Variants in IGSF21 observed in about 807,000 individuals in gnomAD.
The protein encoded by IGSF21 is immunoglobulin superfamily member 21.
In IGSF21, 28 loss-of-function variants were observed where a neutral mutation model predicts 46.8. That is an observed-to-expected ratio of 0.60 (90% CI 0.44 to 0.82). The LOEUF (loss-of-function observed/expected upper bound fraction) is 0.82. IGSF21 is among the 40% of genes least tolerant of loss of function. The probability of loss-of-function intolerance (pLI) is 0.00; values close to 1 mark genes in which losing one functional copy is unlikely to be tolerated. For synonymous variants in IGSF21, 284 were observed against 273.6 expected, an observed-to-expected ratio of 1.04 and a Z score of -0.38; for missense variants, 624 against 665.5, an observed-to-expected ratio of 0.94 and a Z score of 0.69.
At position 18,163,937 on chromosome 1, in the gene IGSF21, G is replaced by A. The variant is rs75675912; in HGVS notation, c.70+55739G>A. Among the ~76,000 whole-genome samples the A allele has an allele frequency of 2.9e-3, 444 of 152,276 alleles. 2 individuals carry two copies. The highest frequency in any genetic ancestry group is 8.7e-3 in the South Asian group (42 of 4,822). ...TGATTTATATGAAAAGGGAAATACC[G>A]TGATAGCCATCATTTATATGAAATG... On this transcript the variant is annotated intron_variant, in intron 1 of 9. Transcript: ENST00000251296.
chr1:18,125,120 C>A (rs890299039), intron 1 of IGSF21, among the ~76,000 whole-genome samples: 8 of 152,146 alleles, frequency 5.3e-5, no homozygotes, highest in African/African-American at 1.9e-4. Context: ...GGACAGGAGG[C>A]CCTGTCCCCC....
intron 3 of IGSF21, among the ~76,000 whole-genome samples, chr1:18,304,827 C>T (rs2085396055): frequency 6.6e-6 from 1 of 152,082 alleles, no homozygotes; most frequent in Non-Finnish European, 1.5e-5. Flanking sequence ...TGCTTTATTG[C>T]TGGTATTTAA....
intron 3 of IGSF21, among the ~76,000 whole-genome samples, chr1:18,320,881 C>T (rs1161483106): frequency 2.0e-5 from 3 of 152,144 alleles, no homozygotes; most frequent in East Asian, 1.9e-4. Context: ...GATGTAATGC[C>T]GGTTGACTGC....
chr1:18,325,683 C>T (rs914580771), intron 3 of IGSF21, among the ~76,000 whole-genome samples: 2 of 152,166 alleles, frequency 1.3e-5, no homozygotes, highest in African/African-American at 2.4e-5. Context: ...CATCCCAGAA[C>T]CCCCCTGGGG....
At chr1:18,147,405 T>C (rs2086480218) in intron 1 of IGSF21, among the ~76,000 whole-genome samples, 2 of 152,086 alleles carry the variant, frequency 1.3e-5, no homozygotes. Context: ...ACTCAGAGCT[T>C]CCTCCGCTTG....
chr1:18,277,981 T>C (rs943772246), intron 2 of IGSF21, among the ~76,000 whole-genome samples: 3 of 152,210 alleles, frequency 2.0e-5, no homozygotes, highest in Non-Finnish European at 4.4e-5. Context: ...AAAAGAACCC[T>C]GAGTGGTACT....
intron 3 of IGSF21, among the ~76,000 whole-genome samples, chr1:18,306,401 CCT>C (rs2124580861): frequency 6.6e-6 from 1 of 152,320 alleles, no homozygotes; most frequent in South Asian, 2.1e-4. Context: ...ATTTCCCACC[CCT>C]GTGTCCCATC....
chr1:18,375,160 T>A (rs1434546431), intron 6 of IGSF21, among the ~76,000 whole-genome samples: 3 of 152,178 alleles, frequency 2.0e-5, no homozygotes, highest in African/African-American at 4.8e-5. Flanking sequence ...GTCACTCTCA[T>A]CCTGTTTTGC....
intron 3 of IGSF21, among the ~76,000 whole-genome samples, chr1:18,297,452 C>T (rs1363228654): frequency 1.3e-5 from 2 of 152,136 alleles, no homozygotes; most frequent in Admixed American, 6.5e-5. Context: ...AAGACATAAT[C>T]AGACCTGCTT....
chr1:18,173,026 C>G (rs530457922), intron 1 of IGSF21, among the ~76,000 whole-genome samples: 1 of 152,322 alleles, frequency 6.6e-6, no homozygotes, highest in East Asian at 1.9e-4. Context: ...CGGTGGCTCA[C>G]GCCTGTAATC....
intron 2 of IGSF21, among the ~76,000 whole-genome samples, chr1:18,284,362 C>A (rs1218311847): frequency 4.6e-5 from 7 of 152,180 alleles, no homozygotes; most frequent in African/African-American, 1.7e-4. Context: ...GTGCCGGTTC[C>A]CATGCTAGGC....
intron 1 of IGSF21, among the ~76,000 whole-genome samples, chr1:18,125,160 C>T (rs2086265231): frequency 6.6e-6 from 1 of 152,196 alleles, no homozygotes; most frequent in African/African-American, 2.4e-5. Context: ...ACTGAAGACA[C>T]AGCACTCCCA....
intron 1 of IGSF21, among the ~76,000 whole-genome samples, chr1:18,180,586 G>T (rs2086848036): frequency 6.6e-6 from 1 of 152,214 alleles, no homozygotes; most frequent in African/African-American, 2.4e-5. Flanking sequence ...AAGGATGAGG[G>T]AATAAGGGGG....
At chr1:18,124,567 A>G (rs1483089249) in intron 1 of IGSF21, among the ~76,000 whole-genome samples, 3 of 151,984 alleles carry the variant, frequency 2.0e-5, no homozygotes, top group Admixed American at 6.5e-5. Context: ...TCCTGACCTT[A>G]TGTGGCTCTT....
chr1:18,193,530 G>A (rs980777038), intron 1 of IGSF21, among the ~76,000 whole-genome samples: 12 of 152,284 alleles, frequency 7.9e-5, no homozygotes, highest in Middle Eastern at 3.4e-3. Context: ...TCCTATGCTC[G>A]AGGGCAGGAA....
At position 18,337,416 on chromosome 1, in the gene IGSF21, T is replaced by C. The variant is rs1398181912; in HGVS notation, c.424+2406T>C. Among the ~76,000 whole-genome samples the C allele has an allele frequency of 1.3e-5, 2 of 152,148 alleles. No individual in the cohort carries two copies. The highest frequency in any genetic ancestry group is 2.9e-5 in the Non-Finnish European group (2 of 68,024). Reference sequence around the variant, plus strand: ...GAGCTCAGTTACTTGGACACTGTTGTTTTTATTATCACTGTCTCTGATGTG... The same window carrying C: ...GAGCTCAGTTACTTGGACACTGTTGCTTTTATTATCACTGTCTCTGATGTG... On this transcript the variant is annotated intron_variant, in intron 4 of 9. Coordinates refer to ENST00000251296, the MANE Select transcript of IGSF21 (RefSeq NM_032880.5). This position sits in a 1 kb window ranked among gnomAD's most constrained non-coding sequence, Gnocchi z 5.7.
chr1:18,254,437 C>A (rs1557609315), intron 2 of IGSF21, among the ~76,000 whole-genome samples: 1 of 145,152 alleles, frequency 6.9e-6, no homozygotes, highest in Non-Finnish European at 1.5e-5. Flanking sequence ...GTATCTTTAA[C>A]CCTAACCCTA....
intron 1 of IGSF21, among the ~76,000 whole-genome samples, chr1:18,137,405 T>C (rs2086376374): frequency 6.6e-6 from 1 of 152,206 alleles, no homozygotes; most frequent in African/African-American, 2.4e-5. Context: ...CTGATCCCCC[T>C]GATCCCCCTA....
chr1:18,189,356 A>G (rs1200578176), intron 1 of IGSF21, among the ~76,000 whole-genome samples: 7 of 152,212 alleles, frequency 4.6e-5, no homozygotes, highest in African/African-American at 1.7e-4. Flanking sequence ...GCTGGGCACC[A>G]TGGTGCAGCC....
Sources: gnomAD v4.1 joint callset for allele counts (sites outside exome capture counted in the v4.1 genomes callset) on GRCh38, gnomAD v4.1.1 for gene constraint, Gnocchi (gnomAD v3.1) non-coding constraint, MANE v1.5 for transcripts, NCBI Gene and HGNC (gene_info 2026-07-23, HGNC 2026-07-21) for gene names.